FRMD5: variants seen among roughly 807,000 people sequenced by gnomAD.
FRMD5 encodes the protein FERM domain containing 5, also known as FERM domain-containing protein 5.
FRMD5 carries 20 observed loss-of-function variants against 69.0 expected under a neutral mutation model. The ratio of observed to expected loss-of-function variants is 0.29; its 90% CI spans 0.20 to 0.42. The LOEUF is 0.42. Ranked by LOEUF, FRMD5 falls within the 10% of genes least tolerant of loss-of-function variation. The probability of loss-of-function intolerance (pLI) is 1.00; values close to 1 mark genes in which losing one functional copy is unlikely to be tolerated. For missense variants in FRMD5, 595 were observed against 708.6 expected (o/e 0.84, Z 1.82); for synonymous variants, 271 against 260.1 (o/e 1.04, Z -0.40).
intron 1 of FRMD5, among the ~76,000 whole-genome samples, chr15:43,943,480 G>T (rs574996486): frequency 5.3e-5 from 8 of 152,208 alleles, no homozygotes; most frequent in Non-Finnish European, 1.0e-4. Context: ...GGGTAGAATA[G>T]TGTCCCCCAA....
intron 1 of FRMD5, among the ~76,000 whole-genome samples, chr15:44,090,864 A>T (rs1375773065): frequency 6.6e-6 from 1 of 152,190 alleles, no homozygotes; most frequent in Admixed American, 6.5e-5. Flanking sequence ...TTAAAAGACT[A>T]CTATGAATCC....
intron 1 of FRMD5, among the ~76,000 whole-genome samples, chr15:44,174,426 C>T (rs2077858012): frequency 1.3e-5 from 2 of 152,140 alleles, no homozygotes; most frequent in Non-Finnish European, 2.9e-5. Context: ...TGCTTGTTCC[C>T]TCACCTATTT....
chr15:44,180,278 G>C lies in FRMD5; in HGVS notation c.102+14675C>G, dbSNP rs943422868. 3.9e-5 allele frequency among the ~76,000 whole-genome samples: 6 copies of C among 152,074 alleles called. No homozygotes were observed. The Middle Eastern group carries it at 0.01, about 259-fold the overall frequency. On this transcript the variant is annotated intron_variant, in intron 1 of 13. Transcript: ENST00000417257. ...ATGCATATAAAGCACTTAGCACAGA[G>C]CCTGGAACAAAGAACTCAATAATTT...
At chr15:44,051,574 C>T (rs969593984) in intron 1 of FRMD5, among the ~76,000 whole-genome samples, 1 of 151,906 alleles carries the variant, frequency 6.6e-6, no homozygotes, top group Non-Finnish European at 1.5e-5. Flanking sequence ...AAAATAAAAT[C>T]CATACTTTAT....
At chr15:43,911,268 G>T (rs1566830263) in intron 4 of FRMD5, among the ~76,000 whole-genome samples, 1 of 152,146 alleles carries the variant, frequency 6.6e-6, no homozygotes, top group East Asian at 1.9e-4. Context: ...GCTTAGACTT[G>T]GTGACTCACT....
rs552522853 is a variant in FRMD5 at position 43,963,187 on chromosome 15, A to G, written c.103-38878T>C. On this transcript the variant is annotated intron_variant, in intron 1 of 13. Transcript: ENST00000417257. ...CAAAGGGCTAATATCCAGAATCTAC[A>G]ATGAACTCAAACAAATTTACAAGAA... Among the ~76,000 whole-genome samples, 37 of 152,338 alleles carry G rather than the reference A, an allele frequency of 2.4e-4. No individual in the cohort carries two copies. In the East Asian group the frequency reaches 6.7e-3, roughly 28 times the overall value.
intron 8 of FRMD5, 40 bp downstream of exon 8, chr15:43,891,941 T>G: frequency 3.0e-4 from 465 of 1,525,494 alleles, no homozygotes; most frequent in Non-Finnish European, 3.9e-4. Context: ...CCCCAGTTGG[T>G]GAGATATAAA....
intron 1 of FRMD5, among the ~76,000 whole-genome samples, chr15:44,067,035 A>G (rs1893339796): frequency 6.6e-6 from 1 of 152,208 alleles, no homozygotes; most frequent in Non-Finnish European, 1.5e-5. Context: ...TCCAAGAAGA[A>G]GAGGGATGGA....
chr15:44,117,565 A>G (rs943352062), intron 1 of FRMD5, among the ~76,000 whole-genome samples: 2 of 152,224 alleles, frequency 1.3e-5, no homozygotes, highest in African/African-American at 4.8e-5. Flanking sequence ...TGTAAGAAGC[A>G]TTGCTATGGG....
chr15:43,885,043 A>C (rs141014991), intron 11 of FRMD5: 51 of 437,528 alleles, frequency 1.2e-4, no homozygotes, highest in African/African-American at 9.0e-4. Context: ...ATTTAGGAGT[A>C]ATTCCTCATT....
At chr15:44,186,093 A>T (rs2078096378) in intron 1 of FRMD5, among the ~76,000 whole-genome samples, 1 of 151,962 alleles carries the variant, frequency 6.6e-6, no homozygotes, top group Admixed American at 6.5e-5. Flanking sequence ...ACACCCAGCT[A>T]ATTTTTTATT....
chr15:44,167,593 A>AT lies in FRMD5; in HGVS notation c.102+27359dup, dbSNP rs202157236. On this transcript the variant is annotated intron_variant, in intron 1 of 13. Transcript: ENST00000417257. ...TTTAGTGAGGCATTTCATTATCACA[A>AT]TTTTTTTTTTTTTTAAGACAGAGTC... is the stretch of plus-strand genomic sequence containing the variant. Among the ~76,000 whole-genome samples the AT allele has an allele frequency of 1.3e-3, 193 of 145,494 alleles. 1 individual carries two copies. The highest frequency in any genetic ancestry group is 3.5e-3 in the South Asian group (16 of 4,580).
chr15:43,942,087 T>C (rs1385283197), intron 1 of FRMD5, among the ~76,000 whole-genome samples: 1 of 152,222 alleles, frequency 6.6e-6, no homozygotes, highest in Non-Finnish European at 1.5e-5. Context: ...CTTGCTGGTA[T>C]AGGGGTAGAG....
At chr15:44,044,441 T>C (rs1892342011) in intron 1 of FRMD5, among the ~76,000 whole-genome samples, 1 of 149,566 alleles carries the variant, frequency 6.7e-6, no homozygotes, top group Admixed American at 6.7e-5. Flanking sequence ...AAAGGATCAT[T>C]TTAGTATAAA....
At chr15:43,956,842 G>A (rs184836701) in intron 1 of FRMD5, among the ~76,000 whole-genome samples, 234 of 152,324 alleles carry the variant, frequency 1.5e-3, no homozygotes, top group Non-Finnish European at 2.1e-3. Context: ...CTGGCCATTG[G>A]TTAGACAACT....
Position 43,883,818 on chromosome 15 carries a change from A to C in FRMD5, c.1029-9T>G, listed in dbSNP as rs1339506626. Reference sequence around the variant, plus strand: ...TGGGAACCATCCCTGCTCTGAGGTTAAAGAAAAAGAACCTTGTTAATTCAG... The same window carrying C: ...TGGGAACCATCCCTGCTCTGAGGTTCAAGAAAAAGAACCTTGTTAATTCAG... On this transcript the variant is annotated splice_polypyrimidine_tract_variant and intron_variant, in intron 12 of 13. Transcript: ENST00000417257. The C allele has an allele frequency of 1.9e-6, 3 of 1,605,536 alleles. No individual in the cohort carries two copies. The African/African-American group carries it at 4.0e-5, about 21-fold the overall frequency.
chr15:43,959,055 C>T (rs962286322), intron 1 of FRMD5, among the ~76,000 whole-genome samples: 10 of 152,196 alleles, frequency 6.6e-5, no homozygotes, highest in Non-Finnish European at 1.5e-4. Flanking sequence ...GACTAAACTT[C>T]CCTCCCCCAC....
intron 1 of FRMD5, among the ~76,000 whole-genome samples, chr15:44,102,597 T>A (rs1327180206): frequency 6.6e-6 from 1 of 152,168 alleles, no homozygotes; most frequent in Non-Finnish European, 1.5e-5. Flanking sequence ...AAATATAGTG[T>A]TTGTTTGAAG....
intron 1 of FRMD5, among the ~76,000 whole-genome samples, chr15:44,087,072 T>G (rs1260460324): frequency 1.3e-5 from 2 of 152,060 alleles, no homozygotes; most frequent in Non-Finnish European, 2.9e-5. Flanking sequence ...CAGGCTAGAG[T>G]GCATGGTGCA....
Sources: allele counts gnomAD v4.1 joint callset (sites outside exome capture counted in the v4.1 genomes callset), GRCh38; gene constraint gnomAD v4.1.1; transcripts MANE v1.5; gene names NCBI Gene and HGNC (gene_info 2026-07-23, HGNC 2026-07-21).